PICALM: variants seen among roughly 807,000 people sequenced by gnomAD.
PICALM encodes phosphatidylinositol binding clathrin assembly protein.
In PICALM, 40 loss-of-function variants were observed where a neutral mutation model predicts 80.5. That is an observed-to-expected ratio of 0.50 (90% CI 0.39 to 0.65). The LOEUF (loss-of-function observed/expected upper bound fraction) is 0.65. Ranked by LOEUF, PICALM falls within the 30% of genes least tolerant of loss-of-function variation. PICALM has a pLI of 0.00. For missense variants in PICALM, 676 were observed against 778.9 expected (o/e 0.87, Z 1.57); for synonymous variants, 288 against 260.3 (o/e 1.11, Z -1.02).
At chr11:86,042,309 C>T (rs17745248) in intron 1 of PICALM, among the ~76,000 whole-genome samples, 23,951 of 151,556 alleles carry the variant, frequency 0.16, 2,437 homozygotes, top group Middle Eastern at 0.24. Flanking sequence ...AGATTTATTA[C>T]TTCTATGTCA....
At chr11:85,965,942 G>A (rs2093878448) in intron 19 of PICALM, among the ~76,000 whole-genome samples, 1 of 148,214 alleles carries the variant, frequency 6.7e-6, no homozygotes, top group Non-Finnish European at 1.5e-5. Context: ...TCAGCCTCCT[G>A]AGTTGCTGGG....
At chr11:85,966,471 T>G (rs1423091216) in intron 19 of PICALM, among the ~76,000 whole-genome samples, 2 of 152,244 alleles carry the variant, frequency 1.3e-5, no homozygotes, top group South Asian at 2.1e-4. Context: ...TTCAAATATT[T>G]TCATTTGATC....
chr11:86,037,103 G>C (rs2095855116), intron 1 of PICALM, among the ~76,000 whole-genome samples: 1 of 151,010 alleles, frequency 6.6e-6, no homozygotes, highest in Admixed American at 6.6e-5. Flanking sequence ...CCGCCACCAC[G>C]CCCAGCTAAT....
intron 1 of PICALM, among the ~76,000 whole-genome samples, chr11:86,039,963 C>T (rs1360020746): frequency 1.5e-5 from 2 of 135,436 alleles, no homozygotes; most frequent in African/African-American, 5.5e-5. Flanking sequence ...GAGATCGCGC[C>T]ATTGCACTCC....
intron 4 of PICALM, among the ~76,000 whole-genome samples, chr11:86,020,260 G>A (rs764352072): frequency 6.6e-5 from 10 of 152,016 alleles, no homozygotes; most frequent in Non-Finnish European, 1.3e-4. Context: ...CTTGTTCATA[G>A]ACTAGAAATT....
chr11:86,042,080 G>A, intron 1 of PICALM, among the ~76,000 whole-genome samples: 1 of 152,082 alleles, frequency 6.6e-6, no homozygotes, highest in East Asian at 1.9e-4. Context: ...ACCACTAGAT[G>A]GCAGACTGTA....
At chr11:85,989,243 A>T (rs1037640215) in intron 13 of PICALM, among the ~76,000 whole-genome samples, 1 of 152,222 alleles carries the variant, frequency 6.6e-6, no homozygotes, top group Admixed American at 6.5e-5. Context: ...CTTTGGATAT[A>T]TATGTGTTTT....
At chr11:86,001,896 C>T (rs1716423103) in intron 9 of PICALM, among the ~76,000 whole-genome samples, 3 of 152,184 alleles carry the variant, frequency 2.0e-5, no homozygotes, top group Admixed American at 2.0e-4. Context: ...AGAATTCTAA[C>T]CTGAAGAACT....
chr11:86,001,116 A>G lies in PICALM; in HGVS notation c.936T>C (p.Thr312=), dbSNP rs748527312. Residue 312 remains threonine (T), a synonymous_variant, in exon 10 of 20, where the codon ACT becomes ACC. Coordinates refer to ENST00000393346, the MANE Select transcript of PICALM (RefSeq NM_007166.4). The stretch of plus-strand genomic sequence containing the variant: ...CATCCACTTTGGTCAGAGATAGACC[A>G]GTGCTTGCCAGGGAAGACACTGCAT... The part of the protein sequence containing the change: ...LSNAVSSLAS[T]GLSLTKVDER... 1 of 1,614,078 alleles carries G rather than the reference A, an allele frequency of 6.2e-7. No individual in the cohort carries two copies. Among genetic ancestry groups the G allele is most frequent in the South Asian group, 1.1e-5 (1 of 91,082 alleles).
chr11:86,026,241 T>A (rs766231130), intron 3 of PICALM, 51 bp downstream of exon 3: 2 of 962,024 alleles, frequency 2.1e-6, no homozygotes, highest in South Asian at 2.7e-5. Context: ...GGAGTAATCA[T>A]CATGTGGGTG....
At chr11:85,963,747 A>C (rs949036951) in intron 19 of PICALM, among the ~76,000 whole-genome samples, 5 of 147,748 alleles carry the variant, frequency 3.4e-5, no homozygotes, top group African/African-American at 9.7e-5. Flanking sequence ...TTTTTTGGTT[A>C]TAGAGCGTGT....
At chr11:85,965,809 TTTTTTG>T (rs1298140013) in intron 19 of PICALM, among the ~76,000 whole-genome samples, 1,456 of 36,030 alleles carry the variant, frequency 0.04, 44 homozygotes, top group African/African-American at 0.17. Context: ...CCCATTTTGT[TTTTTTG>T]TTTTTTTTTT....
intron 13 of PICALM, 46 bp from the exon 14 acceptor site, chr11:85,984,019 A>G (rs772752967): frequency 2.5e-6 from 2 of 804,844 alleles, no homozygotes; most frequent in South Asian, 1.6e-5. Flanking sequence ...TAATAACTCT[A>G]CATTTACGAC....
chr11:85,974,500 C>T (rs776269934), intron 19 of PICALM: 2 of 679,754 alleles, frequency 2.9e-6, no homozygotes, highest in East Asian at 2.9e-5. Flanking sequence ...AATTTTCTGT[C>T]TTTAGTATTT....
intron 1 of PICALM, among the ~76,000 whole-genome samples, chr11:86,056,809 G>C (rs2096276434): frequency 6.6e-6 from 1 of 152,120 alleles, no homozygotes. Context: ...TGAAATGTGG[G>C]TAACTATACA....
At chr11:86,021,160 C>T (rs2095555761) in intron 4 of PICALM, among the ~76,000 whole-genome samples, 2 of 151,992 alleles carry the variant, frequency 1.3e-5, no homozygotes, top group Admixed American at 1.3e-4. Flanking sequence ...CCAGCCTTGG[C>T]AACATAGTGA....
At chr11:85,974,875 T>C (rs902497746) in intron 18 of PICALM, 63 bp from the exon 19 acceptor site, 3 of 1,115,102 alleles carry the variant, frequency 2.7e-6, no homozygotes, top group Admixed American at 3.4e-5. Context: ...ACTAAGTAAA[T>C]AACAATGACA....
At chr11:86,040,089 A>C (rs560048435) in intron 1 of PICALM, among the ~76,000 whole-genome samples, 3 of 151,998 alleles carry the variant, frequency 2.0e-5, no homozygotes, top group African/African-American at 4.8e-5. Context: ...ATACATGAGG[A>C]ACGAAAGAAA....
At chr11:86,024,943 T>A (rs1027235534) in intron 3 of PICALM, among the ~76,000 whole-genome samples, 8 of 152,180 alleles carry the variant, frequency 5.3e-5, no homozygotes, top group African/African-American at 1.7e-4. Flanking sequence ...TGAGCCTCAC[T>A]GTTGAATATT....
Sources: gnomAD v4.1 joint callset for allele counts (sites outside exome capture counted in the v4.1 genomes callset) on GRCh38, gnomAD v4.1.1 for gene constraint, MANE v1.5 for transcripts, NCBI Gene and HGNC (gene_info 2026-07-23, HGNC 2026-07-21) for gene names.